The following CELSR1 variants were observed in gnomAD, a reference collection of about 807,000 sequenced individuals.
The protein encoded by CELSR1 is cadherin EGF LAG seven-pass G-type receptor 1.
Under a neutral mutation model 249.1 loss-of-function variants are expected in CELSR1, and 110 were observed. That is an observed-to-expected ratio of 0.44 (90% confidence interval 0.38 to 0.52). The LOEUF (loss-of-function observed/expected upper bound fraction) is 0.52, where lower values mean the gene tolerates loss of function less well. CELSR1 is among the 20% of genes least tolerant of loss of function. CELSR1 has a pLI of 0.00. For missense variants in CELSR1, 4,109 were observed against 4,296.4 expected, an observed-to-expected ratio of 0.96 and a Z score of 1.22; for synonymous variants, 2,113 against 1,900.0, an observed-to-expected ratio of 1.11 and a Z score of -2.92.
rs2147821474 is a variant in CELSR1, at chr22:46,533,641, T to G, written c.3530A>C (p.Glu1177Ala). The change falls in exon 1 of 35, where the codon GAG (glutamate) becomes GCG (alanine). Residue 1177 changes from glutamate to alanine, a missense_variant. Glu to Ala is a moderately radical substitution (Grantham distance 107, BLOSUM62 -1). This residue lies in a region of CELSR1 where 886 missense variants were observed against 896.5 expected (regional missense o/e 0.99). Coordinates refer to ENST00000674500, the MANE Select transcript of CELSR1 (RefSeq NM_001378328.1). ...DNNRPLEALMEVSVSDGIHSV... is the reference protein window; with the variant it reads ...DNNRPLEALMAVSVSDGIHSV... ...CGGCCACTCACCAGACACAGACACC[T>G]CCATGAGCGCCTCCAGCGGCCGGTT... 6.3e-7 allele frequency: 1 copy of G among 1,576,366 alleles called. No homozygotes were observed. Among genetic ancestry groups the G allele is most frequent in the African/African-American group, 1.3e-5 (1 of 74,704 alleles).
At chr22:46,521,156 T>A (rs1185718624) in intron 1 of CELSR1, among the ~76,000 whole-genome samples, 1 of 152,224 alleles carries the variant, frequency 6.6e-6, no homozygotes, top group Non-Finnish European at 1.5e-5. Context: ...TTCCACCTTT[T>A]GGTTACTGTG....
In CELSR1 at chr22:46,526,313, C is replaced by T. The variant is rs570731158; in HGVS notation, c.3544+7314G>A. On this transcript the variant is annotated intron_variant, in intron 1 of 34. Transcript: ENST00000674500. The surrounding 1 kb of genome is among the most constrained non-coding windows in gnomAD (Gnocchi z 4.7). ...CTGACACTGCCCACTCCCAAAGCCC[C>T]TGAGACGGGCCAGTGCCACGCTAGG... 6.6e-6 allele frequency among the ~76,000 whole-genome samples: 1 copy of T among 152,334 alleles called. No homozygotes were observed. The highest frequency in any genetic ancestry group is 2.4e-5 in the African/African-American group (1 of 41,576).
intron 5 of CELSR1, among the ~76,000 whole-genome samples, chr22:46,414,216 G>C (rs541927594): frequency 1.3e-5 from 2 of 152,308 alleles, no homozygotes; most frequent in East Asian, 1.9e-4. Flanking sequence ...TTTAGGAAAC[G>C]GTCTCTGATA....
At chr22:46,479,086 C>T (rs938730707) in intron 1 of CELSR1, among the ~76,000 whole-genome samples, 1 of 151,798 alleles carries the variant, frequency 6.6e-6, no homozygotes, top group Non-Finnish European at 1.5e-5. Flanking sequence ...CCTCGGCCTC[C>T]CTCTGCGTGC....
At position 46,374,090 on chromosome 22, in the gene CELSR1, G is replaced by A. The variant is rs1240849252; in HGVS notation, c.7585-1033C>T. 6.6e-6 allele frequency among the ~76,000 whole-genome samples: 1 copy of A among 152,250 alleles called. No homozygotes were observed. Among genetic ancestry groups the A allele is most frequent in the South Asian group, 2.1e-4 (1 of 4,836 alleles). ...GGAACAGAGCAGGAACCGAAGCAGG[G>A]AACGCAGGCTCAAGTTATGCCAGAG... On this transcript the variant is annotated intron_variant, in intron 24 of 34. Transcript: ENST00000674500. This position sits in a 1 kb window ranked among gnomAD's most constrained non-coding sequence, Gnocchi z 4.3.
At chr22:46,520,440 A>G (rs2080674187) in intron 1 of CELSR1, among the ~76,000 whole-genome samples, 1 of 152,128 alleles carries the variant, frequency 6.6e-6, no homozygotes, top group Admixed American at 6.6e-5. Context: ...TAAAATGTAC[A>G]TAATACGGAT....
At chr22:46,457,127 A>G (rs2079964637) in intron 2 of CELSR1, among the ~76,000 whole-genome samples, 1 of 152,234 alleles carries the variant, frequency 6.6e-6, no homozygotes, top group Non-Finnish European at 1.5e-5. Flanking sequence ...CGGGAGGATC[A>G]GAAGGTCAGG....
At chr22:46,415,126 G>A (rs2079384748) in intron 5 of CELSR1, among the ~76,000 whole-genome samples, 1 of 152,186 alleles carries the variant, frequency 6.6e-6, no homozygotes, top group Non-Finnish European at 1.5e-5. Context: ...GGAGGATGGG[G>A]GGTGACTGCT....
chr22:46,498,142 G>A (rs563123451), intron 1 of CELSR1, among the ~76,000 whole-genome samples: 22 of 151,196 alleles, frequency 1.5e-4, no homozygotes, highest in African/African-American at 4.1e-4. Flanking sequence ...CCAGCTACTC[G>A]GGAGGCTGAG....
At position 46,490,191 on chromosome 22, in the gene CELSR1, A is replaced by G. The variant is rs947876707; in HGVS notation, c.3545-25846T>C. On this transcript the variant is annotated intron_variant, in intron 1 of 34. Coordinates refer to ENST00000674500, the MANE Select transcript of CELSR1 (RefSeq NM_001378328.1). This position sits in a 1 kb window ranked among gnomAD's most constrained non-coding sequence, Gnocchi z 5.2. ...TCTCCTCCAGCCATAAGACACACTC[A>G]GACACACAGGGTCCTGCCCTCTAAT... Among the ~76,000 whole-genome samples, 2 of 152,340 alleles carry G rather than the reference A, an allele frequency of 1.3e-5. 1 individual carries two copies. The highest frequency in any genetic ancestry group is 4.8e-5 in the African/African-American group (2 of 41,580).
At chr22:46,456,827 T>A (rs980366026) in intron 2 of CELSR1, among the ~76,000 whole-genome samples, 2 of 147,202 alleles carry the variant, frequency 1.4e-5, no homozygotes, top group African/African-American at 5.1e-5. Flanking sequence ...TCTCTGTCCT[T>A]GAACCTACAC....
At chr22:46,504,307 T>C (rs1019702748) in intron 1 of CELSR1, among the ~76,000 whole-genome samples, 5 of 150,744 alleles carry the variant, frequency 3.3e-5, no homozygotes, top group Non-Finnish European at 1.5e-5. Context: ...AGGTCAGGAG[T>C]TTGAGATCAG....
rs2079640907 is a variant in CELSR1 at position 46,434,976 on chromosome 22, G to GA, written c.4522+1197dup. 1.3e-5 allele frequency among the ~76,000 whole-genome samples: 2 copies of GA among 151,804 alleles called. No homozygotes were observed. The highest frequency in any genetic ancestry group is 1.5e-5 in the Non-Finnish European group (1 of 67,980). On this transcript the variant is annotated intron_variant, in intron 4 of 34. Coordinates refer to ENST00000674500, the MANE Select transcript of CELSR1 (RefSeq NM_001378328.1). This position sits in a 1 kb window ranked among gnomAD's most constrained non-coding sequence, Gnocchi z 4.9. ...TGCACCACTGCACTCCAGCCTGGGT[G>GA]AAAGAGTAAGACTTTGTCTCAAAAG...
At chr22:46,481,128 A>G (rs1028468811) in intron 1 of CELSR1, among the ~76,000 whole-genome samples, 2 of 152,028 alleles carry the variant, frequency 1.3e-5, no homozygotes, top group African/African-American at 4.8e-5. Flanking sequence ...CCAGCTACTC[A>G]GGAGGCTGAG....
chr22:46,505,631 A>G (rs2080507826), intron 1 of CELSR1, among the ~76,000 whole-genome samples: 1 of 152,092 alleles, frequency 6.6e-6, no homozygotes, highest in South Asian at 2.1e-4. Flanking sequence ...ACAGAGTAAG[A>G]CCTGGTCTCA....
In CELSR1 at chr22:46,464,125, G is replaced by A. The variant is rs546710924; in HGVS notation, c.3765C>T (p.Ser1255=). The change falls in exon 2 of 35, where the codon TCC becomes TCT. Residue 1255 remains serine, a synonymous_variant. Coordinates refer to ENST00000674500, the MANE Select transcript of CELSR1 (RefSeq NM_001378328.1). The surrounding 1 kb of genome is among the most constrained non-coding windows in gnomAD (Gnocchi z 8.5). ...CCGAGAAGGTCACGTTCAGGATGTT[G>A]GAGCTGACGTCGGTGTCGTTCTGGA... ...FNVQNDTDVS[S]NILNVTFSAL... is the part of the protein sequence containing the mutation. The A allele has an allele frequency of 3.0e-5, 48 of 1,613,876 alleles. No homozygotes were observed. Among genetic ancestry groups the A allele is most frequent in the South Asian group, 2.0e-4 (18 of 91,086 alleles).
chr22:46,535,228 T>C lies in CELSR1; in HGVS notation c.1943A>G (p.Glu648Gly). The part of the protein sequence containing the change: ...WITVCAELDR[E>G]EVEHYSFGVE... Reference sequence around the variant, plus strand: ...CCCGAAGCTGTAGTGCTCCACCTCCTCGCGGTCCAGCTCGGCACACACTGT... The same window carrying C: ...CCCGAAGCTGTAGTGCTCCACCTCCCCGCGGTCCAGCTCGGCACACACTGT... The change falls in exon 1 of 35, where the codon GAG becomes GGG. Residue 648 changes from glutamate to glycine, a missense_variant. Glu to Gly is a moderately conservative substitution (Grantham distance 98, BLOSUM62 -2). Coordinates refer to ENST00000674500, the MANE Select transcript of CELSR1 (RefSeq NM_001378328.1). The C allele has an allele frequency of 6.2e-7, 1 of 1,609,818 alleles. No individual in the cohort carries two copies. Among genetic ancestry groups the C allele is most frequent in the Non-Finnish European group, 8.5e-7 (1 of 1,179,972 alleles).
In CELSR1 at chr22:46,436,389, G is replaced by T; in HGVS notation, c.4407-100C>A. 2 of 758,378 alleles carry T rather than the reference G, an allele frequency of 2.6e-6. No individual in the cohort carries two copies. The highest frequency in any genetic ancestry group is 4.5e-6 in the Non-Finnish European group (2 of 444,508). 47.0% of individuals were successfully genotyped at this position (758,378 alleles called of 1,614,324 possible). On this transcript the variant is annotated intron_variant, in intron 3 of 34. Transcript: ENST00000674500. This position sits in a 1 kb window ranked among gnomAD's most constrained non-coding sequence, Gnocchi z 5.9. ...AGCCGGAGGAGGGCAAGCACGTGGG[G>T]CTACGATTCAGGAAAGAATGGTGTC... is the stretch of plus-strand genomic sequence containing the variant.
rs1354950852 is a variant in CELSR1, at chr22:46,409,731, G to A, written c.5059+24C>T. On this transcript the variant is annotated intron_variant, in intron 8 of 34. Coordinates refer to ENST00000674500, the MANE Select transcript of CELSR1 (RefSeq NM_001378328.1). The surrounding 1 kb of genome is among the most constrained non-coding windows in gnomAD (Gnocchi z 9.8). ...GCCTCCCAGGCCGCCGTGACCGGGG[G>A]GATGGACGACGCCGGCCACTCACCT... 1 of 1,610,950 alleles carries A rather than the reference G, an allele frequency of 6.2e-7. No homozygotes were observed. Among genetic ancestry groups the A allele is most frequent in the Non-Finnish European group, 8.5e-7 (1 of 1,179,922 alleles).
Sources: allele counts gnomAD v4.1 joint callset (sites outside exome capture counted in the v4.1 genomes callset), GRCh38; gene constraint gnomAD v4.1.1; regional missense constraint gnomAD v4.1.1; non-coding constraint Gnocchi (gnomAD v3.1); transcripts MANE v1.5; gene names NCBI Gene and HGNC (gene_info 2026-07-23, HGNC 2026-07-21).